Variants in ADAMTSL1 observed in about 807,000 individuals in gnomAD.
The protein encoded by ADAMTSL1 is ADAMTS like 1, also known as ADAMTS-like protein 1.
A neutral mutation model predicts 201.8 loss-of-function variants in ADAMTSL1; 126 were observed. The ratio of observed to expected loss-of-function variants is 0.62; its 90% CI spans 0.54 to 0.72. The LOEUF (loss-of-function observed/expected upper bound fraction) is 0.72, where lower values mean the gene tolerates loss of function less well. Ranked by LOEUF, ADAMTSL1 falls within the 30% of genes least tolerant of loss-of-function variation. The pLI, the probability that ADAMTSL1 is intolerant of heterozygous loss-of-function variation, is 0.00. For synonymous variants in ADAMTSL1, 1,121 were observed against 903.4 expected (o/e 1.24, Z -4.32); for missense variants, 2,679 against 2,277.8 (o/e 1.18, Z -3.59).
intron 16 of ADAMTSL1, among the ~76,000 whole-genome samples, chr9:18,756,076 A>AAAATATATATAT (rs1819728814): frequency 1.2e-5 from 1 of 80,700 alleles, no homozygotes; most frequent in Non-Finnish European, 2.6e-5. Flanking sequence ...CTCTACTGAA[A>AAAATATATATAT]ATATATATAT....
intron 1 of ADAMTSL1, among the ~76,000 whole-genome samples, chr9:18,091,821 T>C (rs1166702030): frequency 1.3e-5 from 2 of 151,942 alleles, no homozygotes; most frequent in Non-Finnish European, 2.9e-5. Context: ...TCCTTGCGCC[T>C]AAAATGATGA....
At chr9:18,147,693 T>C (rs1272941261) in intron 1 of ADAMTSL1, among the ~76,000 whole-genome samples, 2 of 152,130 alleles carry the variant, frequency 1.3e-5, no homozygotes, top group African/African-American at 4.8e-5. Context: ...GGCTGACCTA[T>C]TCTTTTGTTC....
intron 2 of ADAMTSL1, among the ~76,000 whole-genome samples, chr9:18,241,363 T>C (rs191714112): frequency 3.3e-5 from 5 of 152,296 alleles, no homozygotes; most frequent in Admixed American, 2.6e-4. Context: ...CTGGCTTCTC[T>C]TAATTTCACC....
intron 26 of ADAMTSL1, chr9:18,905,493 A>G (rs1830253394): frequency 5.1e-6 from 2 of 393,068 alleles, no homozygotes; most frequent in South Asian, 6.4e-5. Flanking sequence ...ATGCCAAAAT[A>G]TCTTTCATAT....
intron 2 of ADAMTSL1, among the ~76,000 whole-genome samples, chr9:18,380,223 G>T (rs540153382): frequency 6.6e-6 from 1 of 152,144 alleles, no homozygotes; most frequent in East Asian, 1.9e-4. Context: ...TAAGACTCTA[G>T]AAATTAGAGT....
intron 1 of ADAMTSL1, among the ~76,000 whole-genome samples, chr9:17,975,844 T>C (rs1358823566): frequency 6.6e-6 from 1 of 152,168 alleles, no homozygotes; most frequent in African/African-American, 2.4e-5. Context: ...CTTGGTGTTT[T>C]ATGATTTCAG....
At chr9:18,718,355 A>G in intron 14 of ADAMTSL1, 1 of 728,632 alleles carries the variant, frequency 1.4e-6, no homozygotes, top group Non-Finnish European at 2.6e-6. Context: ...CCGTTCCTGC[A>G]GTATCCAAGA....
chr9:18,677,068 A>G (rs945948876), intron 10 of ADAMTSL1, among the ~76,000 whole-genome samples: 9 of 152,194 alleles, frequency 5.9e-5, no homozygotes, highest in African/African-American at 2.2e-4. Flanking sequence ...TTTATATAAT[A>G]CATATATACA....
At chr9:18,468,717 C>T (rs1821097198) in intron 2 of ADAMTSL1, among the ~76,000 whole-genome samples, 1 of 152,340 alleles carries the variant, frequency 6.6e-6, no homozygotes, top group African/African-American at 2.4e-5. Flanking sequence ...GCTCCAAAAA[C>T]TGAGTTCTTC....
In ADAMTSL1 at chr9:18,533,178, A is replaced by G. The variant is rs568724084; in HGVS notation, c.192-69A>G. 3.0e-5 allele frequency: 42 copies of G among 1,404,734 alleles called. No homozygotes were observed. The African/African-American group carries it at 3.0e-4, about 10-fold the overall frequency. 87.0% of individuals were successfully genotyped at this position (1,404,734 alleles called of 1,614,324 possible). On this transcript the variant is annotated intron_variant, in intron 2 of 28. Transcript: ENST00000380548. ...TTACTAGTATTTAGAGCAAATTTTT[A>G]TAAGAAAATATTTCTGATTTTGAGC...
chr9:18,303,190 A>ACTT (rs1833770805), intron 2 of ADAMTSL1, among the ~76,000 whole-genome samples: 1 of 152,218 alleles, frequency 6.6e-6, no homozygotes, highest in Non-Finnish European at 1.5e-5. Context: ...GACTCAGGAA[A>ACTT]CCCTCAAGGA....
intron 8 of ADAMTSL1, among the ~76,000 whole-genome samples, chr9:18,659,898 G>A (rs1206019811): frequency 4.1e-5 from 6 of 146,426 alleles, no homozygotes; most frequent in Non-Finnish European, 7.5e-5. Flanking sequence ...TTCAAGGAAA[G>A]AATCTAAGGT....
intron 1 of ADAMTSL1, among the ~76,000 whole-genome samples, chr9:18,046,273 C>T (rs1821653229): frequency 6.6e-6 from 1 of 152,180 alleles, no homozygotes; most frequent in African/African-American, 2.4e-5. Context: ...AGTCTTGCTA[C>T]TAGGCATGAT....
At chr9:18,067,691 C>A (rs1421365610) in intron 1 of ADAMTSL1, among the ~76,000 whole-genome samples, 1 of 152,186 alleles carries the variant, frequency 6.6e-6, no homozygotes, top group Admixed American at 6.5e-5. Context: ...CAGCACTAAG[C>A]TTTACAACAG....
At chr9:18,155,477 C>T (rs1258884315) in intron 1 of ADAMTSL1, among the ~76,000 whole-genome samples, 1 of 152,046 alleles carries the variant, frequency 6.6e-6, no homozygotes, top group Non-Finnish European at 1.5e-5. Context: ...ACCTGCGACC[C>T]ATGGGCCTCA....
intron 14 of ADAMTSL1, among the ~76,000 whole-genome samples, chr9:18,715,363 T>G (rs951592195): frequency 2.0e-5 from 3 of 152,152 alleles, no homozygotes; most frequent in African/African-American, 7.2e-5. Flanking sequence ...CAAAATCTCC[T>G]TAAGCTGATA....
At chr9:18,327,370 T>C (rs1263196773) in intron 2 of ADAMTSL1, among the ~76,000 whole-genome samples, 1 of 152,172 alleles carries the variant, frequency 6.6e-6, no homozygotes, top group Non-Finnish European at 1.5e-5. Context: ...CAGAGTAGAG[T>C]CAGGCCCTAT....
At chr9:18,378,832 T>C (rs1302834096) in intron 2 of ADAMTSL1, among the ~76,000 whole-genome samples, 1 of 152,162 alleles carries the variant, frequency 6.6e-6, no homozygotes, top group Non-Finnish European at 1.5e-5. Context: ...TGTTTGTTTG[T>C]TTGTTTTTCA....
chr9:18,773,484 G>T (rs1452293483), intron 17 of ADAMTSL1, among the ~76,000 whole-genome samples: 1 of 152,100 alleles, frequency 6.6e-6, no homozygotes, highest in African/African-American at 2.4e-5. Flanking sequence ...AAAAAATTAA[G>T]ACCACAGAAT....
Sources: gnomAD v4.1 joint callset for allele counts (sites outside exome capture counted in the v4.1 genomes callset) on GRCh38, gnomAD v4.1.1 for gene constraint, MANE v1.5 for transcripts, NCBI Gene and HGNC (gene_info 2026-07-23, HGNC 2026-07-21) for gene names.